Variants in CNTNAP2 observed in about 807,000 individuals in gnomAD.
CNTNAP2 encodes the protein contactin associated protein 2.
CNTNAP2 carries 98 observed loss-of-function variants against 155.2 expected under a neutral mutation model. The ratio of observed to expected loss-of-function variants is 0.63; its 90% CI spans 0.54 to 0.75. The LOEUF (loss-of-function observed/expected upper bound fraction) is 0.75, where lower values mean the gene tolerates loss of function less well. Among genes scored for constraint, CNTNAP2 ranks in the 30% least tolerant of loss-of-function variants. The pLI, the probability that CNTNAP2 is intolerant of heterozygous loss-of-function variation, is 0.00. For synonymous variants in CNTNAP2, 651 were observed against 631.2 expected (o/e 1.03, Z -0.47); for missense variants, 1,727 against 1,688.1 (o/e 1.02, Z -0.40).
At chr7:147,837,595 A>G (rs916872365) in intron 13 of CNTNAP2, among the ~76,000 whole-genome samples, 4 of 152,190 alleles carry the variant, frequency 2.6e-5, no homozygotes, top group Admixed American at 6.5e-5. Context: ...CTTATCTGAG[A>G]CAATATAAGT....
chr7:147,975,966 G>A (rs181282105), intron 14 of CNTNAP2, among the ~76,000 whole-genome samples: 215 of 152,252 alleles, frequency 1.4e-3, no homozygotes, highest in Non-Finnish European at 2.5e-3. Flanking sequence ...CTTTGGGGGG[G>A]TCTTATGTCT....
At chr7:147,071,410 C>A (rs1799889446) in intron 4 of CNTNAP2, among the ~76,000 whole-genome samples, 1 of 151,826 alleles carries the variant, frequency 6.6e-6, no homozygotes, top group African/African-American at 2.4e-5. Context: ...TTTCAGCAAG[C>A]AGGAGATGCA....
intron 1 of CNTNAP2, among the ~76,000 whole-genome samples, chr7:146,171,869 T>G (rs1798396550): frequency 6.6e-6 from 1 of 152,010 alleles, no homozygotes; most frequent in African/African-American, 2.4e-5. Flanking sequence ...AAAATTATAT[T>G]CACCTTGAAT....
At chr7:148,381,674 GA>G in intron 21 of CNTNAP2, 1 of 152,396 alleles carries the variant, frequency 6.6e-6, no homozygotes, top group Non-Finnish European at 1.5e-5. Context: ...ATTTGAGCTG[GA>G]AAACAGGGAT....
chr7:147,994,152 T>G (rs866804331), intron 15 of CNTNAP2, among the ~76,000 whole-genome samples: 1 of 152,178 alleles, frequency 6.6e-6, no homozygotes, highest in Middle Eastern at 3.4e-3. Context: ...GGAGGATTGC[T>G]TGAGCCCCAG....
chr7:146,792,356 C>G (rs1802690066), intron 2 of CNTNAP2, among the ~76,000 whole-genome samples: 1 of 152,030 alleles, frequency 6.6e-6, no homozygotes. Flanking sequence ...CTACATTTGG[C>G]TTTGTCTTGT....
At chr7:146,366,993 A>T (rs1031801173) in intron 1 of CNTNAP2, among the ~76,000 whole-genome samples, 1 of 152,150 alleles carries the variant, frequency 6.6e-6, no homozygotes, top group Admixed American at 6.5e-5. Flanking sequence ...ACCATAGTTA[A>T]TTTCAAAATA....
intron 3 of CNTNAP2, among the ~76,000 whole-genome samples, chr7:147,013,877 G>A (rs1388242496): frequency 1.3e-5 from 2 of 152,028 alleles, no homozygotes; most frequent in Non-Finnish European, 2.9e-5. Context: ...GCTAAGAGCC[G>A]GGAACAGAAA....
intron 13 of CNTNAP2, among the ~76,000 whole-genome samples, chr7:147,862,201 G>T (rs1414613332): frequency 6.6e-6 from 1 of 152,038 alleles, no homozygotes; most frequent in African/African-American, 2.4e-5. Context: ...CAAACCATGG[G>T]TTATAAAATG....
intron 1 of CNTNAP2, among the ~76,000 whole-genome samples, chr7:146,569,144 G>A (rs1758020555): frequency 6.6e-6 from 1 of 152,098 alleles, no homozygotes; most frequent in African/African-American, 2.4e-5. Flanking sequence ...AGCCTCCCAA[G>A]TAGCTGGGAC....
At chr7:148,224,811 CT>C (rs1456054027) in intron 19 of CNTNAP2, among the ~76,000 whole-genome samples, 2 of 152,164 alleles carry the variant, frequency 1.3e-5, no homozygotes, top group Admixed American at 6.5e-5. Context: ...CAAGCACGTC[CT>C]TCTTCACATG....
At chr7:148,255,491 G>A (rs1796440592) in intron 20 of CNTNAP2, among the ~76,000 whole-genome samples, 1 of 152,140 alleles carries the variant, frequency 6.6e-6, no homozygotes, top group Non-Finnish European at 1.5e-5. Context: ...TTTTCCAGTA[G>A]GTGGAGTATT....
intron 12 of CNTNAP2, among the ~76,000 whole-genome samples, chr7:147,576,770 C>T (rs1324279012): frequency 6.6e-6 from 1 of 151,390 alleles, no homozygotes; most frequent in Non-Finnish European, 1.5e-5. Flanking sequence ...AACAAAATAG[C>T]AGGTTTTGAG....
intron 1 of CNTNAP2, among the ~76,000 whole-genome samples, chr7:146,280,508 G>A (rs1207929729): frequency 6.6e-6 from 1 of 152,066 alleles, no homozygotes; most frequent in African/African-American, 2.4e-5. Context: ...CCTGCACTTG[G>A]CCGCTCCTAT....
chr7:146,187,706 C>T (rs139515958), intron 1 of CNTNAP2, among the ~76,000 whole-genome samples: 2,896 of 152,068 alleles, frequency 0.019, 27 homozygotes, highest in Middle Eastern at 0.041. Context: ...TCTCTGAAAA[C>T]TTACTAAGGG....
intron 3 of CNTNAP2, among the ~76,000 whole-genome samples, chr7:146,934,859 G>A (rs192285775): frequency 5.9e-5 from 9 of 152,250 alleles, no homozygotes; most frequent in Non-Finnish European, 5.9e-5. Flanking sequence ...AGATCACCGT[G>A]CTGTGGACCG....
At chr7:148,408,729 A>G (rs1275324863) in intron 22 of CNTNAP2, among the ~76,000 whole-genome samples, 1 of 152,218 alleles carries the variant, frequency 6.6e-6, no homozygotes, top group Admixed American at 6.5e-5. Flanking sequence ...CGACTTGCAG[A>G]TGGACTTCGG....
chr7:148,413,401 A>AAAAAAAAAAAAAAATATAT (rs1442990213), intron 23 of CNTNAP2, among the ~76,000 whole-genome samples: 2 of 45,374 alleles, frequency 4.4e-5, no homozygotes, highest in Non-Finnish European at 8.4e-5. Context: ...TCAAAAAAAA[A>AAAAAAAAAAAAAAATATAT]ATATATATAT....
intron 1 of CNTNAP2, among the ~76,000 whole-genome samples, chr7:146,168,799 C>T (rs1225404443): frequency 1.3e-5 from 2 of 152,134 alleles, no homozygotes; most frequent in East Asian, 3.9e-4. Context: ...ATGTGGCAAC[C>T]AGAATGACCC....
Sources: gnomAD v4.1 joint callset for allele counts (sites outside exome capture counted in the v4.1 genomes callset) on GRCh38, gnomAD v4.1.1 for gene constraint, MANE v1.5 for transcripts, NCBI Gene and HGNC (gene_info 2026-07-23, HGNC 2026-07-21) for gene names.